Variants in STAG1 observed in about 807,000 individuals in gnomAD.
The protein encoded by STAG1 is cohesin subunit SA-1.
In STAG1, 26 loss-of-function variants were observed where a neutral mutation model predicts 170.9. The observed-to-expected ratio is 0.15, with a 90% CI of 0.11 to 0.21. The LOEUF (loss-of-function observed/expected upper bound fraction) is 0.21. Among genes scored for constraint, STAG1 ranks in the 10% least tolerant of loss-of-function variants. STAG1 has a pLI of 1.00. For synonymous variants in STAG1, 514 were observed against 497.7 expected (o/e 1.03, Z -0.44); for missense variants, 964 against 1,509.5 (o/e 0.64, Z 5.99).
At chr3:136,659,468 G>T (rs1402122683) in intron 1 of STAG1, among the ~76,000 whole-genome samples, 3 of 152,132 alleles carry the variant, frequency 2.0e-5, no homozygotes, top group Non-Finnish European at 4.4e-5. Context: ...CCCGAGAGTT[G>T]CCATAGCAAC....
chr3:136,419,465 T>A (rs1019038883), intron 20 of STAG1, among the ~76,000 whole-genome samples: 1 of 151,874 alleles, frequency 6.6e-6, no homozygotes, highest in African/African-American at 2.4e-5. Flanking sequence ...CTTTTTTTTT[T>A]AAAGAGAGAG....
chr3:136,728,052 G>C (rs182793608), intron 1 of STAG1, among the ~76,000 whole-genome samples: 10 of 151,976 alleles, frequency 6.6e-5, no homozygotes, highest in Non-Finnish European at 1.2e-4. Flanking sequence ...CCAGTTACTC[G>C]GGAGGCTGAG....
In STAG1 at chr3:136,376,007, A is replaced by AC. The variant is rs1270067786; in HGVS notation, c.2370+1652_2370+1653insG. Among the ~76,000 whole-genome samples the AC allele has an allele frequency of 3.0e-3, 416 of 138,406 alleles. 4 individuals carry two copies. The highest frequency in any genetic ancestry group is 3.8e-3 in the Non-Finnish European group (247 of 65,632). The allele number at this position is 138,406 out of a possible 152,430, so 90.8% of individuals were successfully genotyped here. A position where few individuals can be genotyped will look rare whatever the true frequency, so the allele number is the denominator to read the frequency against. Reference sequence around the variant, plus strand: ...AAATAAATAAATAAATAAATAAATAAATAATTAACAAAATAAAATAAAATA... The same window carrying AC: ...AAATAAATAAATAAATAAATAAATAACATAATTAACAAAATAAAATAAAATA... On this transcript the variant is annotated intron_variant, in intron 23 of 33. Coordinates refer to ENST00000383202, the MANE Select transcript of STAG1 (RefSeq NM_005862.3).
intron 10 of STAG1, among the ~76,000 whole-genome samples, chr3:136,474,930 C>T (rs2089709241): frequency 1.3e-5 from 2 of 152,086 alleles, no homozygotes; most frequent in African/African-American, 2.4e-5. Flanking sequence ...TCCCTTCTCT[C>T]GCCCAGGTTG....
chr3:136,475,138 CTTTTTTTTTTTTTT>C (rs10686674), intron 10 of STAG1, among the ~76,000 whole-genome samples: 6 of 76,002 alleles, frequency 7.9e-5, no homozygotes, highest in Admixed American at 1.7e-4. Flanking sequence ...TTATAGGTTC[CTTTTTTTTTTTTTT>C]TTTTTTTTTT....
intron 1 of STAG1, among the ~76,000 whole-genome samples, chr3:136,632,730 T>A (rs1940380642): frequency 1.3e-5 from 2 of 151,998 alleles, no homozygotes; most frequent in Non-Finnish European, 2.9e-5. Context: ...GCTAAAAGCA[T>A]GGTCAGAGGA....
intron 16 of STAG1, among the ~76,000 whole-genome samples, chr3:136,430,745 C>G (rs944085350): frequency 1.4e-5 from 2 of 146,960 alleles, no homozygotes; most frequent in African/African-American, 5.0e-5. Flanking sequence ...GTTGGACAAG[C>G]TTGATTTAAA....
intron 3 of STAG1, among the ~76,000 whole-genome samples, chr3:136,622,497 T>C (rs1287630337): frequency 6.6e-6 from 1 of 152,110 alleles, no homozygotes; most frequent in African/African-American, 2.4e-5. Context: ...GTAATGGCTA[T>C]ATGGTGGGTT....
In STAG1 at chr3:136,536,483, C is replaced by T. The variant is rs530498154; in HGVS notation, c.471+5636G>A. Among the ~76,000 whole-genome samples, 4 of 152,026 alleles carry T rather than the reference C, an allele frequency of 2.6e-5. No individual in the cohort carries two copies. The East Asian group carries it at 5.8e-4, about 22-fold the overall frequency. ...CTTAGGGCCAGGCACAGTGGCTCAC[C>T]TGAGACCAGGAGTTCGAGACCAGCC... On this transcript the variant is annotated intron_variant, in intron 6 of 33. Transcript: ENST00000383202.
At chr3:136,531,213 C>T (rs1222884266) in intron 6 of STAG1, among the ~76,000 whole-genome samples, 2 of 150,504 alleles carry the variant, frequency 1.3e-5, no homozygotes, top group African/African-American at 4.9e-5. Flanking sequence ...CAATGAGATA[C>T]CATCTCACAC....
intron 1 of STAG1, among the ~76,000 whole-genome samples, chr3:136,714,510 C>A (rs1236746385): frequency 6.6e-6 from 1 of 151,854 alleles, no homozygotes; most frequent in Non-Finnish European, 1.5e-5. Context: ...AGGTGGATCA[C>A]GAGGTCAGGA....
intron 3 of STAG1, among the ~76,000 whole-genome samples, chr3:136,616,821 G>C (rs1232679123): frequency 6.6e-6 from 1 of 152,136 alleles, no homozygotes; most frequent in African/African-American, 2.4e-5. Flanking sequence ...TTGAACCTGG[G>C]AAATCGAATC....
At chr3:136,615,536 T>C (rs1939547189) in intron 3 of STAG1, among the ~76,000 whole-genome samples, 1 of 151,350 alleles carries the variant, frequency 6.6e-6, no homozygotes. Context: ...CCCAGCACTT[T>C]GGGAGGCCGA....
At chr3:136,573,738 C>T (rs1369610799) in intron 4 of STAG1, among the ~76,000 whole-genome samples, 4 of 151,994 alleles carry the variant, frequency 2.6e-5, no homozygotes, top group Non-Finnish European at 5.9e-5. Flanking sequence ...TTTGGGAGGC[C>T]GAAGCGGGCG....
chr3:136,462,151 A>C (rs1404766071), intron 13 of STAG1, among the ~76,000 whole-genome samples: 3 of 152,116 alleles, frequency 2.0e-5, no homozygotes, highest in Non-Finnish European at 4.4e-5. Context: ...TACTCAAAAA[A>C]CTAAAAATAT....
intron 13 of STAG1, 48 bp from the exon 14 acceptor site, chr3:136,452,195 T>C (rs941706011): frequency 2.6e-6 from 3 of 1,155,254 alleles, no homozygotes; most frequent in Non-Finnish European, 3.9e-6. Flanking sequence ...ATATGAACTT[T>C]AGTCTTCCCT....
At chr3:136,689,342 T>C (rs1942638898) in intron 1 of STAG1, among the ~76,000 whole-genome samples, 2 of 152,238 alleles carry the variant, frequency 1.3e-5, no homozygotes, top group South Asian at 4.1e-4. Context: ...TTTTCCTGGA[T>C]TAAACTCAGA....
intron 7 of STAG1, among the ~76,000 whole-genome samples, chr3:136,520,699 AG>A (rs1474023484): frequency 1.3e-5 from 2 of 152,146 alleles, no homozygotes; most frequent in Non-Finnish European, 2.9e-5. Flanking sequence ...GCCTACCTTA[AG>A]AACTGACTTT....
At position 136,449,825 on chromosome 3, in the gene STAG1, G is replaced by A. The variant is rs566911544; in HGVS notation, c.1428+2208C>T. On this transcript the variant is annotated intron_variant, in intron 14 of 33. Coordinates refer to ENST00000383202, the MANE Select transcript of STAG1 (RefSeq NM_005862.3). ...TTCCTTTAATGAATAATCAAAGTCAGTTAGCGAAGATCATCATATTCCCTA... is the reference window on the plus strand; with the variant it reads ...TTCCTTTAATGAATAATCAAAGTCAATTAGCGAAGATCATCATATTCCCTA... Among the ~76,000 whole-genome samples, 3 of 151,096 alleles carry A rather than the reference G, an allele frequency of 2.0e-5. No homozygotes were observed. The East Asian group carries it at 5.8e-4, about 29-fold the overall frequency.
Sources: allele counts gnomAD v4.1 joint callset (sites outside exome capture counted in the v4.1 genomes callset), GRCh38; gene constraint gnomAD v4.1.1; transcripts MANE v1.5; gene names NCBI Gene and HGNC (gene_info 2026-07-23, HGNC 2026-07-21).